EYS: variants seen among roughly 807,000 people sequenced by gnomAD.
EYS encodes the protein EGF-like photoreceptor maintenance factor, also known as protein eyes shut homolog.
Under a neutral mutation model 282.1 loss-of-function variants are expected in EYS, and 250 were observed. The ratio of observed to expected loss-of-function variants is 0.89; its 90% CI spans 0.80 to 0.98. The LOEUF (loss-of-function observed/expected upper bound fraction) is 0.98. EYS is among the 50% of genes least tolerant of loss of function. EYS has a pLI of 0.00. For synonymous variants in EYS, 1,355 were observed against 1,282.9 expected, an observed-to-expected ratio of 1.06 and a Z score of -1.20; for missense variants, 4,016 against 3,709.0, an observed-to-expected ratio of 1.08 and a Z score of -2.15.
intron 34 of EYS, among the ~76,000 whole-genome samples, chr6:63,995,628 T>A (rs1453381738): frequency 6.6e-6 from 1 of 152,030 alleles, no homozygotes; most frequent in Non-Finnish European, 1.5e-5. Context: ...CATTGTAGCA[T>A]TATTTGCATT....
chr6:64,473,932 C>T (rs1482971262), intron 26 of EYS, among the ~76,000 whole-genome samples: 1 of 152,170 alleles, frequency 6.6e-6, no homozygotes, highest in Non-Finnish European at 1.5e-5. Flanking sequence ...TCAAGACATT[C>T]TTATCAAGAA....
intron 2 of EYS, among the ~76,000 whole-genome samples, chr6:65,623,187 T>C (rs1266855668): frequency 6.6e-6 from 1 of 152,196 alleles, no homozygotes; most frequent in African/African-American, 2.4e-5. Flanking sequence ...TGATGGACAA[T>C]GTCCTGCTGG....
In EYS at chr6:63,720,947, G is replaced by C. The variant is rs1417507821; in HGVS notation, c.9084C>G (p.Ile3028Met). ...LKIAVNLGER[I>M]SVPMSYNNGT... ...CATTGTTATAGCTCATAGGCACAGA[G>C]ATTCTTTCTCCCAAGTTAACTGCTA... The change falls in exon 43 of 43, where the codon ATC becomes ATG. Residue 3028 changes from isoleucine to methionine, a missense_variant. Ile to Met is a conservative substitution (Grantham distance 10, BLOSUM62 1). Transcript: ENST00000503581. The C allele has an allele frequency of 1.3e-6, 2 of 1,551,294 alleles. No individual in the cohort carries two copies. Among genetic ancestry groups the C allele is most frequent in the Admixed American group, 2.0e-5 (1 of 50,972 alleles).
chr6:65,666,946 G>A (rs1458687911), intron 1 of EYS, among the ~76,000 whole-genome samples: 4 of 148,746 alleles, frequency 2.7e-5, no homozygotes, highest in Non-Finnish European at 4.5e-5. Context: ...AATCTACATT[G>A]CCACCCAATG....
Position 65,503,123 on chromosome 6 carries a change from C to T in EYS, c.-332-7130G>A, listed in dbSNP as rs563933075. Reference sequence around the variant, plus strand: ...ATCAGGAGTTATTATTACTTTGCATCTTTGCCAGCAGTAGCAGTGAGTTCT... The same window carrying T: ...ATCAGGAGTTATTATTACTTTGCATTTTTGCCAGCAGTAGCAGTGAGTTCT... On this transcript the variant is annotated intron_variant, in intron 2 of 42. Coordinates refer to ENST00000503581, the MANE Select transcript of EYS (RefSeq NM_001142800.2). Among the ~76,000 whole-genome samples, 38 of 151,770 alleles carry T rather than the reference C, an allele frequency of 2.5e-4. No homozygotes were observed. The South Asian group carries it at 7.9e-3, about 31-fold the overall frequency.
At chr6:64,296,331 A>G (rs931205502) in intron 30 of EYS, among the ~76,000 whole-genome samples, 2 of 152,116 alleles carry the variant, frequency 1.3e-5, no homozygotes, top group African/African-American at 4.8e-5. Flanking sequence ...GGTATTAAAT[A>G]TGTTTGCTGA....
At chr6:64,970,584 A>G (rs1173201946) in intron 14 of EYS, among the ~76,000 whole-genome samples, 1 of 152,188 alleles carries the variant, frequency 6.6e-6, no homozygotes, top group African/African-American at 2.4e-5. Context: ...ATGTGATGCT[A>G]ATCATCTCCA....
At chr6:64,966,773 A>G (rs1770108202) in intron 14 of EYS, among the ~76,000 whole-genome samples, 1 of 152,324 alleles carries the variant, frequency 6.6e-6, no homozygotes, top group Admixed American at 6.5e-5. Context: ...TTTAGGACAC[A>G]CACAGATAAT....
intron 33 of EYS, among the ~76,000 whole-genome samples, chr6:64,050,526 G>A (rs944379949): frequency 3.3e-5 from 5 of 152,136 alleles, no homozygotes; most frequent in Non-Finnish European, 5.9e-5. Flanking sequence ...ATTTGTTTCA[G>A]TGTTATCCTA....
At chr6:64,944,011 C>T (rs1769190285) in intron 15 of EYS, among the ~76,000 whole-genome samples, 1 of 152,018 alleles carries the variant, frequency 6.6e-6, no homozygotes, top group African/African-American at 2.4e-5. Flanking sequence ...AAAACAACAA[C>T]AATAACAGAC....
chr6:65,198,309 G>A (rs1463998481), intron 12 of EYS, among the ~76,000 whole-genome samples: 1 of 152,046 alleles, frequency 6.6e-6, no homozygotes, highest in Non-Finnish European at 1.5e-5. Flanking sequence ...CGAAAGATCT[G>A]CCTGAGGTTG....
At chr6:64,557,929 A>C (rs1408774116) in intron 26 of EYS, among the ~76,000 whole-genome samples, 1 of 152,192 alleles carries the variant, frequency 6.6e-6, no homozygotes, top group Admixed American at 6.6e-5. Context: ...AACATTTACT[A>C]TCTGTTCTTT....
chr6:64,170,976 C>T (rs9450993), intron 31 of EYS, among the ~76,000 whole-genome samples: 241 of 152,128 alleles, frequency 1.6e-3, no homozygotes, highest in African/African-American at 5.6e-3. Flanking sequence ...TTCTGCAGCT[C>T]GGATTGTGAT....
At chr6:63,984,834 T>C (rs1319834726) in intron 34 of EYS, among the ~76,000 whole-genome samples, 1 of 151,788 alleles carries the variant, frequency 6.6e-6, no homozygotes, top group Non-Finnish European at 1.5e-5. Context: ...TAATAATATT[T>C]AGCAGAAAAA....
intron 2 of EYS, among the ~76,000 whole-genome samples, chr6:65,555,534 AACT>A (rs1424417756): frequency 1.3e-5 from 2 of 152,158 alleles, no homozygotes; most frequent in East Asian, 1.9e-4. Flanking sequence ...CTTTGCATAA[AACT>A]ACATTTGACA....
At position 65,443,450 on chromosome 6, in the gene EYS, G is replaced by GTACATATATGTACACATATAGCCATATA. The variant is rs1239608955; in HGVS notation, c.863-38084_863-38083insTATATGGCTATATGTGTACATATATGTA. Among the ~76,000 whole-genome samples the GTACATATATGTACACATATAGCCATATA allele has an allele frequency of 1.4e-4, 21 of 145,824 alleles. 1 individual carries two copies. The highest frequency in any genetic ancestry group is 2.9e-4 in the Non-Finnish European group (19 of 65,120). The stretch of plus-strand genomic sequence containing the variant: ...CATATATGTACACATATAGCCATAT[G>GTACATATATGTACACATATAGCCATATA]TACATATACGCCATACACATGCACA... On this transcript the variant is annotated intron_variant, in intron 5 of 42. Transcript: ENST00000503581.
chr6:65,654,830 C>T (rs1314262325), intron 1 of EYS, among the ~76,000 whole-genome samples: 1 of 151,306 alleles, frequency 6.6e-6, no homozygotes, highest in Admixed American at 6.6e-5. Flanking sequence ...CAAAGTGGTA[C>T]CAGAGACCAG....
intron 12 of EYS, among the ~76,000 whole-genome samples, chr6:65,101,979 A>G (rs1462545559): frequency 6.0e-5 from 9 of 151,176 alleles, no homozygotes; most frequent in Non-Finnish European, 4.5e-5. Flanking sequence ...CAGATAATCA[A>G]CTGTTTTATC....
intron 22 of EYS, among the ~76,000 whole-genome samples, chr6:64,789,598 CA>C (rs1774123744): frequency 6.6e-6 from 1 of 152,088 alleles, no homozygotes; most frequent in Admixed American, 6.6e-5. Flanking sequence ...CTGTGTTAGA[CA>C]ATATGTTCAC....
Sources: allele counts gnomAD v4.1 joint callset (sites outside exome capture counted in the v4.1 genomes callset), GRCh38; gene constraint gnomAD v4.1.1; transcripts MANE v1.5; gene names NCBI Gene and HGNC (gene_info 2026-07-23, HGNC 2026-07-21).